Variants in CCDC102B observed in about 807,000 individuals in gnomAD.
CCDC102B encodes the protein coiled-coil domain containing 102B.
In CCDC102B, 75 loss-of-function variants were observed where a neutral mutation model predicts 57.4. The observed-to-expected ratio is 1.31, with a 90% CI of 1.08 to 1.58. The LOEUF is 1.58. CCDC102B is among the 40% of genes most tolerant of loss of function. CCDC102B has a pLI of 0.00. For synonymous variants in CCDC102B, 206 were observed against 201.9 expected, an observed-to-expected ratio of 1.02 and a Z score of -0.17; for missense variants, 636 against 582.6, an observed-to-expected ratio of 1.09 and a Z score of -0.94.
chr18:68,733,082 T>A (rs145251633), intron 2 of CCDC102B, among the ~76,000 whole-genome samples: 77 of 152,172 alleles, frequency 5.1e-4, no homozygotes, highest in African/African-American at 1.9e-3. Context: ...TTTATGTAAA[T>A]TCGCAAGTCT....
chr18:69,057,930 T>C (rs1380697657), downstream of CCDC102B, among the ~76,000 whole-genome samples: 1 of 152,052 alleles, frequency 6.6e-6, no homozygotes, highest in African/African-American at 2.4e-5. Context: ...GCTATATGAA[T>C]GATCTCATCA....
rs36101856 is a variant in CCDC102B, at chr18:68,733,506, ATTTT to A, written c.-67+16916_-67+16919del. Among the ~76,000 whole-genome samples the A allele has an allele frequency of 6.0e-3, 525 of 87,514 alleles. 18 individuals carry two copies. Among genetic ancestry groups the A allele is most frequent in the East Asian group, 0.047 (179 of 3,770 alleles). 57.4% of individuals were successfully genotyped at this position (87,514 alleles called of 152,430 possible). A position where few individuals can be genotyped will look rare whatever the true frequency, so the allele number is the denominator to read the frequency against. On this transcript the variant is annotated intron_variant, in intron 2 of 3. Transcript: ENST00000578970. ...TATATATATATATATATATATATAT[ATTTT>A]TTTAACTTAAGCATGCTTTAAGAAG...
intron 2 of CCDC102B, among the ~76,000 whole-genome samples, chr18:68,738,630 C>T (rs992630968): frequency 3.3e-5 from 5 of 152,168 alleles, no homozygotes; most frequent in African/African-American, 1.2e-4. Context: ...TTCATCTGAG[C>T]CCATTGCATA....
chr18:68,994,601 CA>C (rs1292633975), intron 6 of CCDC102B, among the ~76,000 whole-genome samples: 1 of 151,782 alleles, frequency 6.6e-6, no homozygotes, highest in Non-Finnish European at 1.5e-5. Flanking sequence ...GTTCTTCTGA[CA>C]GTGAGTTCTC....
At chr18:69,042,541 G>T (rs114823695) in intron 7 of CCDC102B, among the ~76,000 whole-genome samples, 1 of 152,012 alleles carries the variant, frequency 6.6e-6, no homozygotes, top group African/African-American at 2.4e-5. Flanking sequence ...CAAAATCGTG[G>T]TGATCTTTAA....
rs191171754 is a variant in CCDC102B at position 68,898,464 on chromosome 18, T to C, written c.1263+1036T>C. 2.6e-5 allele frequency among the ~76,000 whole-genome samples: 4 copies of C among 152,230 alleles called. No homozygotes were observed. In the East Asian group the frequency reaches 5.8e-4, roughly 22 times the overall value. The stretch of plus-strand genomic sequence containing the variant: ...AGTCCGTGACCATAATTTTCTATTA[T>C]ATTGATTCATAAACTATCCATAATA... On this transcript the variant is annotated intron_variant, in intron 6 of 7. Coordinates refer to ENST00000360242, the MANE Select transcript of CCDC102B (RefSeq NM_024781.3).
intron 2 of CCDC102B, among the ~76,000 whole-genome samples, chr18:68,733,931 C>T (rs568772787): frequency 2.0e-5 from 3 of 152,236 alleles, no homozygotes; most frequent in Admixed American, 1.3e-4. Context: ...ACAACTGCCT[C>T]GACTCACATG....
At chr18:68,946,998 A>C (rs1175719112) in intron 6 of CCDC102B, among the ~76,000 whole-genome samples, 1 of 151,976 alleles carries the variant, frequency 6.6e-6, no homozygotes, top group Non-Finnish European at 1.5e-5. Flanking sequence ...TGGGAAATGG[A>C]GATTTTCACA....
At chr18:68,909,610 A>G (rs1397300934) in intron 6 of CCDC102B, among the ~76,000 whole-genome samples, 2 of 152,062 alleles carry the variant, frequency 1.3e-5, no homozygotes, top group African/African-American at 4.8e-5. Flanking sequence ...GGATGAAAAA[A>G]CTCTGATATT....
intron 6 of CCDC102B, among the ~76,000 whole-genome samples, chr18:68,970,390 T>C (rs1256493620): frequency 6.6e-6 from 1 of 152,080 alleles, no homozygotes; most frequent in Non-Finnish European, 1.5e-5. Context: ...AAAATATTTG[T>C]CCATGTCTTT....
downstream of CCDC102B, among the ~76,000 whole-genome samples, chr18:69,056,321 C>T (rs555359151): frequency 2.6e-5 from 4 of 151,992 alleles, no homozygotes; most frequent in African/African-American, 4.8e-5. Flanking sequence ...AATGCCAAAA[C>T]TTAATGAAAA....
intron 7 of CCDC102B, among the ~76,000 whole-genome samples, chr18:69,012,771 TG>T (rs2051553747): frequency 6.6e-6 from 1 of 152,198 alleles, no homozygotes; most frequent in Non-Finnish European, 1.5e-5. Flanking sequence ...GGAATCTATA[TG>T]GGTAGAAAGT....
intron 7 of CCDC102B, among the ~76,000 whole-genome samples, chr18:69,038,927 T>G (rs755135102): frequency 2.0e-5 from 3 of 152,032 alleles, no homozygotes; most frequent in Admixed American, 6.6e-5. Flanking sequence ...GCTCAATGTT[T>G]GATTAGGCTA....
intron 7 of CCDC102B, among the ~76,000 whole-genome samples, chr18:69,012,116 A>G (rs935890418): frequency 6.6e-6 from 1 of 152,050 alleles, no homozygotes; most frequent in Non-Finnish European, 1.5e-5. Context: ...ATATATATGT[A>G]CTTTGTAATG....
intron 4 of CCDC102B, among the ~76,000 whole-genome samples, chr18:68,869,601 G>A (rs984931323): frequency 3.3e-5 from 5 of 152,132 alleles, no homozygotes; most frequent in East Asian, 1.9e-4. Flanking sequence ...GTTTAAGTTC[G>A]TTATAGATTC....
chr18:68,787,908 T>C (rs2035272082), intron 2 of CCDC102B, among the ~76,000 whole-genome samples: 1 of 151,252 alleles, frequency 6.6e-6, no homozygotes. Flanking sequence ...CTAGTTCTTT[T>C]AATTGTGATG....
chr18:68,926,967 T>A (rs866032980), intron 6 of CCDC102B, among the ~76,000 whole-genome samples: 11 of 152,008 alleles, frequency 7.2e-5, no homozygotes, highest in African/African-American at 2.7e-4. Flanking sequence ...ATTAGATTTT[T>A]ACAAGTCAGA....
chr18:68,801,568 G>GA lies in CCDC102B; in HGVS notation c.-16+3395dup, dbSNP rs527485874. ...AAGAAAAAGGTGTCCTTAATATTGA[G>GA]AAAAAAAACATATGCTCACTGAAGA... On this transcript the variant is annotated intron_variant, in intron 1 of 7. Transcript: ENST00000360242. 2.4e-3 allele frequency among the ~76,000 whole-genome samples: 369 copies of GA among 151,536 alleles called. 1 individual carries two copies. Among genetic ancestry groups the GA allele is most frequent in the African/African-American group, 8.3e-3 (345 of 41,356 alleles).
Position 69,009,975 on chromosome 18 carries a change from G to A in CCDC102B, c.1264-959G>A, listed in dbSNP as rs1490435882. ...GAGACGGAGCCTTGCTCTGTCGCCC[G>A]GGCTGGAGTGCTGTGGCGCTATCTC... is the stretch of plus-strand genomic sequence containing the variant. On this transcript the variant is annotated intron_variant, in intron 6 of 7. Coordinates refer to ENST00000360242, the MANE Select transcript of CCDC102B (RefSeq NM_024781.3). 6.3e-5 allele frequency among the ~76,000 whole-genome samples: 4 copies of A among 63,624 alleles called. No individual in the cohort carries two copies. The Admixed American group carries it at 8.1e-4, about 13-fold the overall frequency. 41.7% of individuals were successfully genotyped at this position (63,624 alleles called of 152,430 possible). A position where few individuals can be genotyped will look rare whatever the true frequency, so the allele number is the denominator to read the frequency against.
Sources: allele counts gnomAD v4.1 joint callset (sites outside exome capture counted in the v4.1 genomes callset), GRCh38; gene constraint gnomAD v4.1.1; transcripts MANE v1.5; gene names NCBI Gene and HGNC (gene_info 2026-07-23, HGNC 2026-07-21).